The following FRMD4B variants were observed in gnomAD, a reference collection of about 807,000 sequenced individuals.
The protein encoded by FRMD4B is FERM domain-containing protein 4B.
FRMD4B carries 74 observed loss-of-function variants against 141.5 expected under a neutral mutation model. The observed-to-expected ratio is 0.52, with a 90% CI of 0.43 to 0.63. The LOEUF is 0.63. Ranked by LOEUF, FRMD4B falls within the 30% of genes least tolerant of loss-of-function variation. FRMD4B has a pLI of 0.00. For synonymous variants in FRMD4B, 506 were observed against 467.9 expected (o/e 1.08, Z -1.05); for missense variants, 1,366 against 1,253.4 (o/e 1.09, Z -1.36).
intron 3 of FRMD4B, among the ~76,000 whole-genome samples, chr3:69,309,960 G>T (rs934395917): frequency 1.3e-5 from 2 of 152,038 alleles, no homozygotes; most frequent in African/African-American, 4.8e-5. Context: ...TCACTGATTC[G>T]CAGGAGCTGG....
intron 9 of FRMD4B, among the ~76,000 whole-genome samples, chr3:69,219,183 C>T (rs1411327049): frequency 6.6e-6 from 1 of 151,456 alleles, no homozygotes; most frequent in Non-Finnish European, 1.5e-5. Context: ...AAAAAGTCCC[C>T]CCAAAATAAA....
chr3:69,207,902 G>A lies in FRMD4B; in HGVS notation c.876+8361C>T, dbSNP rs566159705. ...CTAGCAGCATCTTCCATTTCTACAC[G>A]GAACTCCGTAAGCTCCAGCTACAGT... On this transcript the variant is annotated intron_variant, in intron 11 of 22. Transcript: ENST00000398540. Among the ~76,000 whole-genome samples the A allele has an allele frequency of 7.9e-5, 12 of 152,090 alleles. No individual in the cohort carries two copies. The East Asian group carries it at 2.1e-3, about 27-fold the overall frequency.
chr3:69,336,637 A>T (rs1469911624), intron 1 of FRMD4B: 1 of 152,434 alleles, frequency 6.6e-6, no homozygotes, highest in Non-Finnish European at 1.5e-5. Context: ...TGTTGTGAGG[A>T]TCAAATGAGT....
chr3:69,287,722 T>A (rs953622717), intron 5 of FRMD4B, 30 bp downstream of exon 5: 10 of 1,159,402 alleles, frequency 8.6e-6, no homozygotes, highest in Middle Eastern at 3.8e-4. Context: ...TCTGGAGGCA[T>A]CCAGTGAACA....
chr3:69,496,049 T>C (rs1170780756), intron 1 of FRMD4B, among the ~76,000 whole-genome samples: 3 of 152,232 alleles, frequency 2.0e-5, no homozygotes, highest in Non-Finnish European at 4.4e-5. Flanking sequence ...TTTTTATTTA[T>C]ACTATTTCCT....
Position 69,445,303 on chromosome 3 carries a change from G to A in FRMD4B, c.-128-12542C>T, listed in dbSNP as rs568863453. Reference sequence around the variant, plus strand: ...TTTATAACCAGAGTTCACGTCACAGGATATTTACAAATACTGCTATTCCAG... The same window carrying A: ...TTTATAACCAGAGTTCACGTCACAGAATATTTACAAATACTGCTATTCCAG... On this transcript the variant is annotated intron_variant, in intron 1 of 5. Transcript: ENST00000459638. Among the ~76,000 whole-genome samples the A allele has an allele frequency of 3.3e-5, 5 of 152,270 alleles. No homozygotes were observed. The South Asian group carries it at 1.0e-3, about 32-fold the overall frequency.
chr3:69,224,673 T>C lies in FRMD4B; in HGVS notation c.599A>G (p.Lys200Arg). 1.3e-6 allele frequency: 2 copies of C among 1,553,336 alleles called. No homozygotes were observed. Among genetic ancestry groups the C allele is most frequent in the Non-Finnish European group, 1.8e-6 (2 of 1,134,968 alleles). ...GDYTSDENAR[K>R]DLKTLPAFPT... ...AAAGGCTGGTAATGTCTTTAAATCT[T>C]TCCTGGCATTTTCATCACTAAAAAG... Residue 200 changes from lysine (K) to arginine (R), a missense_variant, in exon 8 of 23, where the codon AAA becomes AGA. Physicochemically the swap from Lys to Arg is conservative, Grantham distance 26. Coordinates refer to ENST00000398540, the MANE Select transcript of FRMD4B (RefSeq NM_015123.3).
intron 1 of FRMD4B, among the ~76,000 whole-genome samples, chr3:69,355,894 C>T (rs200789631): frequency 2.0e-5 from 3 of 151,930 alleles, no homozygotes; most frequent in East Asian, 1.9e-4. Context: ...GTGTGGTGGC[C>T]GGCACCTGTA....
intron 1 of FRMD4B, among the ~76,000 whole-genome samples, chr3:69,489,310 AAAT>A (rs1706267746): frequency 6.7e-6 from 1 of 149,248 alleles, no homozygotes; most frequent in Non-Finnish European, 1.5e-5. Flanking sequence ...TATGTATATA[AAAT>A]GTATACATAT....
intron 7 of FRMD4B, among the ~76,000 whole-genome samples, chr3:69,225,136 C>T (rs2093238024): frequency 6.6e-6 from 1 of 152,086 alleles, no homozygotes; most frequent in Non-Finnish European, 1.5e-5. Flanking sequence ...TTTATGTAGT[C>T]TTTTATATTA....
intron 1 of FRMD4B, among the ~76,000 whole-genome samples, chr3:69,501,699 A>G (rs1452986988): frequency 6.6e-6 from 1 of 152,152 alleles, no homozygotes; most frequent in African/African-American, 2.4e-5. Flanking sequence ...GGCAGGAGAA[A>G]GAAATAAAGG....
intron 1 of FRMD4B, among the ~76,000 whole-genome samples, chr3:69,443,882 A>G (rs1454926874): frequency 6.6e-6 from 1 of 152,274 alleles, no homozygotes; most frequent in East Asian, 1.9e-4. Context: ...TTAAAACAAT[A>G]ACCAGCCATT....
chr3:69,222,311 C>A (rs1490650605), intron 8 of FRMD4B, among the ~76,000 whole-genome samples: 1 of 151,656 alleles, frequency 6.6e-6, no homozygotes, highest in East Asian at 1.9e-4. Context: ...ACTAAAAATA[C>A]AAAAAATTAG....
At chr3:69,440,727 G>A (rs1449465078) in intron 1 of FRMD4B, among the ~76,000 whole-genome samples, 1 of 152,188 alleles carries the variant, frequency 6.6e-6, no homozygotes, top group Non-Finnish European at 1.5e-5. Flanking sequence ...AGAATCGCTT[G>A]AACCTGGGAG....
intron 1 of FRMD4B, among the ~76,000 whole-genome samples, chr3:69,471,025 C>T (rs756242614): frequency 2.8e-4 from 42 of 152,290 alleles, no homozygotes; most frequent in South Asian, 6.2e-4. Flanking sequence ...TAATTCTACA[C>T]GCAGTAAACA....
In FRMD4B at chr3:69,187,697, C is replaced by T. The variant is rs570153615; in HGVS notation, c.1919+73G>A. 3.7e-6 allele frequency: 5 copies of T among 1,349,538 alleles called. No individual in the cohort carries two copies. In the African/African-American group the frequency reaches 7.3e-5, roughly 20 times the overall value. 83.6% of individuals were successfully genotyped at this position (1,349,538 alleles called of 1,614,324 possible). A position where few individuals can be genotyped will look rare whatever the true frequency, so the allele number is the denominator to read the frequency against. On this transcript the variant is annotated intron_variant, in intron 19 of 22. Transcript: ENST00000398540. ...ATAAAAACATGTGAAAATGTATCAA[C>T]CATACATTGCATTTTGGAGGAAAAA...
chr3:69,195,075 T>C lies in FRMD4B; in HGVS notation c.1435A>G (p.Arg479Gly). Residue 479 changes from arginine (R) to glycine (G), a missense_variant, in exon 16 of 23, where the codon AGA (arginine) becomes GGA (glycine). By Grantham distance (125) the Arg-to-Gly change is moderately radical. Coordinates refer to ENST00000398540, the MANE Select transcript of FRMD4B (RefSeq NM_015123.3). Reference sequence around the variant, plus strand: ...AATTTGAACGCAGTACCCACACGTCTTCTGACCTGAGGAGGCTTCTCGCCT... The same window carrying C: ...AATTTGAACGCAGTACCCACACGTCCTCTGACCTGAGGAGGCTTCTCGCCT... ...NIGEKPPQVR[R>G]RVGTAFKLDD... 1 of 1,613,890 alleles carries C rather than the reference T, an allele frequency of 6.2e-7. No homozygotes were observed. Among genetic ancestry groups the C allele is most frequent in the Non-Finnish European group, 8.5e-7 (1 of 1,179,760 alleles).
At chr3:69,405,284 C>A (rs958727366) in intron 2 of FRMD4B, among the ~76,000 whole-genome samples, 1 of 152,208 alleles carries the variant, frequency 6.6e-6, no homozygotes, top group Non-Finnish European at 1.5e-5. Flanking sequence ...ACCAAAGGCA[C>A]CTCCAAGTGT....
intron 1 of FRMD4B, among the ~76,000 whole-genome samples, chr3:69,365,809 G>A (rs935859085): frequency 1.3e-5 from 2 of 151,814 alleles, no homozygotes; most frequent in South Asian, 4.2e-4. Context: ...TGGAATTTTC[G>A]GAAAACCAAA....
Sources: allele counts gnomAD v4.1 joint callset (sites outside exome capture counted in the v4.1 genomes callset), GRCh38; gene constraint gnomAD v4.1.1; transcripts MANE v1.5; gene names NCBI Gene and HGNC (gene_info 2026-07-23, HGNC 2026-07-21).